VMP1: variants seen among roughly 807,000 people sequenced by gnomAD.
The protein encoded by VMP1 is ectopic P-granules autophagy protein 3 homolog.
VMP1 carries 11 observed loss-of-function variants against 56.0 expected under a neutral mutation model. That is an observed-to-expected ratio of 0.20 (90% CI 0.12 to 0.32). The LOEUF is 0.32. Among genes scored for constraint, VMP1 ranks in the 10% least tolerant of loss-of-function variants. The probability of loss-of-function intolerance (pLI) is 1.00; values close to 1 mark genes in which losing one functional copy is unlikely to be tolerated. For synonymous variants in VMP1, 149 were observed against 165.0 expected (o/e 0.90, Z 0.74); for missense variants, 296 against 490.3 (o/e 0.60, Z 3.74).
At chr17:59,811,366 T>C (rs1215248546) in intron 8 of VMP1, among the ~76,000 whole-genome samples, 1 of 152,174 alleles carries the variant, frequency 6.6e-6, no homozygotes, top group Non-Finnish European at 1.5e-5. Context: ...CTTTATCCAG[T>C]TCTCATGTGA....
intron 10 of VMP1, among the ~76,000 whole-genome samples, chr17:59,829,675 T>C (rs142835611): frequency 5.9e-5 from 9 of 152,328 alleles, no homozygotes; most frequent in African/African-American, 2.2e-4. Flanking sequence ...GGAGAATTAT[T>C]TACAAGACTG....
intron 1 of VMP1, among the ~76,000 whole-genome samples, chr17:59,714,013 C>A (rs764745537): frequency 1.5e-4 from 22 of 145,736 alleles, no homozygotes; most frequent in Non-Finnish European, 2.5e-4. Flanking sequence ...TGCACTCCAA[C>A]CTGCGCAACT....
At chr17:59,746,897 T>G (rs1598330152) in intron 5 of VMP1, among the ~76,000 whole-genome samples, 1 of 152,376 alleles carries the variant, frequency 6.6e-6, no homozygotes, top group South Asian at 2.1e-4. Flanking sequence ...ACTTGTTATG[T>G]ATCATTGCAA....
chr17:59,824,114 G>T (rs2038550878), intron 10 of VMP1, among the ~76,000 whole-genome samples: 1 of 151,990 alleles, frequency 6.6e-6, no homozygotes, highest in African/African-American at 2.4e-5. Flanking sequence ...AGCCGGGCAT[G>T]GTGGCAGGCA....
intron 5 of VMP1, among the ~76,000 whole-genome samples, chr17:59,749,700 G>A (rs1038062139): frequency 6.6e-6 from 1 of 151,826 alleles, no homozygotes; most frequent in African/African-American, 2.4e-5. Flanking sequence ...TAGTAGAGAC[G>A]GGGTTTCACC....
At chr17:59,785,300 C>T (rs1177295465) in intron 7 of VMP1, among the ~76,000 whole-genome samples, 1 of 152,146 alleles carries the variant, frequency 6.6e-6, no homozygotes, top group African/African-American at 2.4e-5. Flanking sequence ...TGTGAAATTT[C>T]CTACTTCTTA....
chr17:59,746,253 C>T (rs1568066903), intron 5 of VMP1, among the ~76,000 whole-genome samples: 1 of 152,204 alleles, frequency 6.6e-6, no homozygotes, highest in Non-Finnish European at 1.5e-5. Flanking sequence ...TCACTGCAAC[C>T]ACCGCCTCCC....
intron 6 of VMP1, among the ~76,000 whole-genome samples, chr17:59,765,758 G>A (rs1000082737): frequency 6.6e-6 from 1 of 152,084 alleles, no homozygotes; most frequent in East Asian, 1.9e-4. Context: ...CAAAGGAGGT[G>A]GAGGAGGTAG....
At chr17:59,771,927 C>G (rs2036441475) in intron 6 of VMP1, among the ~76,000 whole-genome samples, 1 of 151,908 alleles carries the variant, frequency 6.6e-6, no homozygotes, top group Non-Finnish European at 1.5e-5. Flanking sequence ...TTGCCTATAT[C>G]CATGTATATA....
In VMP1 at chr17:59,717,288, T is replaced by G. The variant is rs369451586; in HGVS notation, c.-27+9540T>G. Reference sequence around the variant, plus strand: ...CTCGGCCGGTCCGCCATCTTTTTGATGAAAATGTTTTGCTAAGATTGCATT... The same window carrying G: ...CTCGGCCGGTCCGCCATCTTTTTGAGGAAAATGTTTTGCTAAGATTGCATT... On this transcript the variant is annotated intron_variant, in intron 1 of 11. Coordinates refer to ENST00000262291, the MANE Select transcript of VMP1 (RefSeq NM_030938.5). 2.0e-5 allele frequency among the ~76,000 whole-genome samples: 3 copies of G among 152,310 alleles called. No homozygotes were observed. The South Asian group carries it at 6.2e-4, about 32-fold the overall frequency.
In VMP1 at chr17:59,748,958, T is replaced by A. The variant is rs377201952; in HGVS notation, c.414+10011T>A. Among the ~76,000 whole-genome samples, 56 of 150,292 alleles carry A rather than the reference T, an allele frequency of 3.7e-4. 1 individual carries two copies. The East Asian group carries it at 9.6e-3, about 26-fold the overall frequency. The stretch of plus-strand genomic sequence containing the variant: ...TGGCTGTCACAGGCTGCCTCATGCC[T>A]GTGATCCCAGCACTGGAGTGCAGTG... On this transcript the variant is annotated intron_variant, in intron 5 of 11. Coordinates refer to ENST00000262291, the MANE Select transcript of VMP1 (RefSeq NM_030938.5).
rs1555622711 is a variant in VMP1 at position 59,792,854 on chromosome 17, A to AAATAATAACAAT, written c.715-15934_715-15933insCAATAATAATAA. On this transcript the variant is annotated intron_variant, in intron 7 of 11. Coordinates refer to ENST00000262291, the MANE Select transcript of VMP1 (RefSeq NM_030938.5). ...ACATGAGCAAAAACGCCATCTCAAA[A>AAATAATAACAAT]AATAATAATAATAATAATAATAATT... 2.3e-5 allele frequency among the ~76,000 whole-genome samples: 2 copies of AAATAATAACAAT among 86,436 alleles called. 1 individual carries two copies. Among genetic ancestry groups the AAATAATAACAAT allele is most frequent in the Non-Finnish European group, 5.4e-5 (2 of 36,896 alleles). The allele number at this position is 86,436 out of a possible 152,430, so 56.7% of individuals were successfully genotyped here.
At position 59,773,862 on chromosome 17, in the gene VMP1, C is replaced by G. The variant is rs908410863; in HGVS notation, c.691C>G (p.Leu231Val). ...DEEYQEFEEM[L>V]EHAESAQDFA... ...AGAGTATCAGGAATTTGAAGAGATGCTGGAACATGCAGAGTCTGCACAAGT... is the reference window on the plus strand; with the variant it reads ...AGAGTATCAGGAATTTGAAGAGATGGTGGAACATGCAGAGTCTGCACAAGT... Residue 231 changes from leucine (L) to valine (V), a missense_variant, in exon 7 of 12, where the codon CTG becomes GTG. Leu to Val is a conservative substitution (Grantham distance 32). This residue lies in a region of VMP1 where 126 missense variants were observed against 231.6 expected (regional missense o/e 0.54). Coordinates refer to ENST00000262291, the MANE Select transcript of VMP1 (RefSeq NM_030938.5). The G allele has an allele frequency of 6.2e-7, 1 of 1,612,538 alleles. No individual in the cohort carries two copies. The highest frequency in any genetic ancestry group is 1.3e-5 in the African/African-American group (1 of 74,718).
intron 11 of VMP1, chr17:59,838,860 TAG>T (rs2039066809): frequency 6.5e-6 from 1 of 153,458 alleles, no homozygotes; most frequent in African/African-American, 2.4e-5. Context: ...CTTTAAAACT[TAG>T]ACTGTCTTTT....
intron 10 of VMP1, among the ~76,000 whole-genome samples, chr17:59,826,624 G>A (rs2038653730): frequency 6.6e-6 from 1 of 152,192 alleles, no homozygotes; most frequent in African/African-American, 2.4e-5. Context: ...CACCCACTGT[G>A]CCAGATGCTT....
chr17:59,768,945 A>C (rs1208009211), intron 6 of VMP1, among the ~76,000 whole-genome samples: 1 of 151,840 alleles, frequency 6.6e-6, no homozygotes. Flanking sequence ...ACGTGGTGAA[A>C]GTTCATCTCT....
chr17:59,737,559 A>G lies in VMP1; in HGVS notation c.303+16A>G, dbSNP rs1364909175. 7 of 1,592,134 alleles carry G rather than the reference A, an allele frequency of 4.4e-6. No homozygotes were observed. Among genetic ancestry groups the G allele is most frequent in the East Asian group, 2.3e-5 (1 of 44,162 alleles). ...GCATCAACAGGTGAGAGGTCGAGCA[A>G]TTCTGTTTCTAGTCTTGCACATTCT... is the stretch of plus-strand genomic sequence containing the variant. On this transcript the variant is annotated intron_variant, in intron 4 of 11. Coordinates refer to ENST00000262291, the MANE Select transcript of VMP1 (RefSeq NM_030938.5).
At chr17:59,710,586 A>G (rs2033880461) in intron 1 of VMP1, among the ~76,000 whole-genome samples, 1 of 152,228 alleles carries the variant, frequency 6.6e-6, no homozygotes, top group African/African-American at 2.4e-5. Flanking sequence ...TATAAATTGT[A>G]GCATAACAAA....
chr17:59,802,249 A>G (rs2777895), intron 7 of VMP1, among the ~76,000 whole-genome samples: 63,914 of 151,714 alleles, frequency 0.42, 15,368 homozygotes, highest in Non-Finnish European at 0.54. Flanking sequence ...TTAGATACAC[A>G]TATACTTACA....
Sources: allele counts gnomAD v4.1 joint callset (sites outside exome capture counted in the v4.1 genomes callset), GRCh38; gene constraint gnomAD v4.1.1; regional missense constraint gnomAD v4.1.1; transcripts MANE v1.5; gene names NCBI Gene and HGNC (gene_info 2026-07-23, HGNC 2026-07-21).